DOT1L: variants seen among roughly 807,000 people sequenced by gnomAD.
DOT1L encodes the protein histone-lysine N-methyltransferase, H3 lysine-79 specific.
In DOT1L, 33 loss-of-function variants were observed where a neutral mutation model predicts 153.3. The observed-to-expected ratio is 0.22, with a 90% confidence interval of 0.16 to 0.29. DOT1L has a LOEUF of 0.29. Ranked by LOEUF, DOT1L falls within the 10% of genes least tolerant of loss-of-function variation. DOT1L has a pLI of 1.00. For synonymous variants in DOT1L, 1,135 were observed against 965.1 expected (o/e 1.18, Z -3.26); for missense variants, 1,847 against 2,119.9 (o/e 0.87, Z 2.53).
Position 2,229,982 on chromosome 19 carries a change from T to C in DOT1L, c.*190T>C, listed in dbSNP as rs2024528537. On this transcript the variant is annotated 3_prime_UTR_variant, in exon 28 of 28. Transcript: ENST00000398665. ...CTGGTCCAGTTTGTACTGTCGATAG[T>C]TTTAGATAAAGTATTTATCATTTTT... 1 of 805,884 alleles carries C rather than the reference T, an allele frequency of 1.2e-6. No individual in the cohort carries two copies. Among genetic ancestry groups the C allele is most frequent in the Non-Finnish European group, 1.9e-6 (1 of 516,266 alleles). 49.9% of individuals were successfully genotyped at this position (805,884 alleles called of 1,614,324 possible). A position where few individuals can be genotyped will look rare whatever the true frequency, so the allele number is the denominator to read the frequency against.
In DOT1L at chr19:2,220,858, C is replaced by T. The variant is rs557358889; in HGVS notation, c.2806+636C>T. 1.3e-4 allele frequency: 36 copies of T among 287,538 alleles called. No individual in the cohort carries two copies. Among genetic ancestry groups the T allele is most frequent in the African/African-American group, 7.7e-4 (35 of 45,404 alleles). The allele number at this position is 287,538 out of a possible 1,614,324, so 17.8% of individuals were successfully genotyped here. Reference sequence around the variant, plus strand: ...CCCCAGGTTGAGATGCGGTATGATGCGGCAGCTACTTTTTTAGGAGTAAAA... The same window carrying T: ...CCCCAGGTTGAGATGCGGTATGATGTGGCAGCTACTTTTTTAGGAGTAAAA... On this transcript the variant is annotated intron_variant, in intron 23 of 27. Coordinates refer to ENST00000398665, the MANE Select transcript of DOT1L (RefSeq NM_032482.3). This position sits in a 1 kb window ranked among gnomAD's most constrained non-coding sequence, Gnocchi z 4.5.
At chr19:2,194,717 C>T (rs375789277) in intron 7 of DOT1L, 140 bp downstream of exon 7, 7 of 871,192 alleles carry the variant, frequency 8.0e-6, no homozygotes, top group Non-Finnish European at 1.2e-5. Flanking sequence ...CTCTGGTTCT[C>T]GTAGGGCTGC....
chr19:2,195,076 C>A (rs991733745), intron 7 of DOT1L, among the ~76,000 whole-genome samples: 1 of 151,978 alleles, frequency 6.6e-6, no homozygotes, highest in African/African-American at 2.4e-5. Flanking sequence ...GGGATGGCGT[C>A]GCGTGTGGCC....
chr19:2,228,802 G>A, intron 27 of DOT1L: 1 of 985,446 alleles, frequency 1.0e-6, no homozygotes, highest in South Asian at 4.7e-5. Context: ...CAGGCGCCCA[G>A]CATGTAGCAG....
chr19:2,164,067 AG>A lies in DOT1L; in HGVS notation c.-116del. The A allele has an allele frequency of 2.1e-6, 1 of 480,420 alleles. No homozygotes were observed. The highest frequency in any genetic ancestry group is 2.8e-6 in the Non-Finnish European group (1 of 362,544). The allele number at this position is 480,420 out of a possible 1,614,324, so 29.8% of individuals were successfully genotyped here. ...GGCGGCGGCGGCCGAGGCCGAGGCC[AG>A]GCCCCCTCCCCTCAGCCTCCCGCCC... On this transcript the variant is annotated 5_prime_UTR_variant, in exon 1 of 28. Coordinates refer to ENST00000398665, the MANE Select transcript of DOT1L (RefSeq NM_032482.3).
intron 25 of DOT1L, among the ~76,000 whole-genome samples, chr19:2,223,704 G>A (rs902718043): frequency 1.3e-5 from 2 of 152,314 alleles, no homozygotes; most frequent in Admixed American, 1.3e-4. Flanking sequence ...GGTGGGACAC[G>A]AGCAGGGCCA....
In DOT1L at chr19:2,226,655, G is replaced by A. The variant is rs1426976999; in HGVS notation, c.4134G>A (p.Gly1378=). 2 of 1,582,816 alleles carry A rather than the reference G, an allele frequency of 1.3e-6. No homozygotes were observed. The highest frequency in any genetic ancestry group is 1.3e-5 in the African/African-American group (1 of 74,602). ...AGAGGCAGCTGGACGGCCTGGCTGG[G>A]CTGAAGGGCGAGGGCAGCCGCGGCA... is the stretch of plus-strand genomic sequence containing the variant. ...LSKRQLDGLA[G]LKGEGSRGKE... Residue 1378 remains glycine (G), a synonymous_variant, in exon 27 of 28, where the codon GGG becomes GGA. Coordinates refer to ENST00000398665, the MANE Select transcript of DOT1L (RefSeq NM_032482.3).
chr19:2,217,123 G>A lies in DOT1L; in HGVS notation c.2544+33G>A. 1 of 1,554,052 alleles carries A rather than the reference G, an allele frequency of 6.4e-7. No individual in the cohort carries two copies. The highest frequency in any genetic ancestry group is 2.3e-5 in the East Asian group (1 of 43,980). On this transcript the variant is annotated intron_variant, in intron 21 of 27. Coordinates refer to ENST00000398665, the MANE Select transcript of DOT1L (RefSeq NM_032482.3). The surrounding 1 kb of genome is among the most constrained non-coding windows in gnomAD (Gnocchi z 7.3). ...CCGCGACCCCTGCCCCGGGCTCAGG[G>A]AGGTGCTCAGCAGAGGCGGCCTGAG... is the stretch of plus-strand genomic sequence containing the variant.
At chr19:2,228,131 T>G (rs2024442869) in intron 27 of DOT1L, 1 of 1,364,038 alleles carries the variant, frequency 7.3e-7, no homozygotes, top group African/African-American at 1.5e-5. Context: ...CTCTGCCGCC[T>G]GCTAACGCCT....
intron 27 of DOT1L, chr19:2,227,598 G>C (rs1297148855): frequency 2.6e-5 from 26 of 1,001,144 alleles, no homozygotes; most frequent in South Asian, 1.1e-4. Flanking sequence ...GAGCCTGGCC[G>C]AGCCGCTGCT....
At chr19:2,198,183 C>T (rs2023098648) in intron 7 of DOT1L, among the ~76,000 whole-genome samples, 1 of 152,218 alleles carries the variant, frequency 6.6e-6, no homozygotes, top group African/African-American at 2.4e-5. Flanking sequence ...GATGCGAGCC[C>T]GGATCTGCTT....
intron 25 of DOT1L, among the ~76,000 whole-genome samples, chr19:2,224,024 C>T (rs1292391860): frequency 2.0e-5 from 3 of 152,276 alleles, no homozygotes; most frequent in African/African-American, 4.8e-5. Context: ...TACTTTCTGT[C>T]TCTGAATCTG....
At chr19:2,227,475 C>T (rs776464030) in intron 27 of DOT1L, 11 of 551,602 alleles carry the variant, frequency 2.0e-5, no homozygotes, top group Middle Eastern at 5.7e-4. Flanking sequence ...TGGGTAAGAG[C>T]GAGTCCCCGC....
Position 2,216,436 on chromosome 19 carries a change from G to C in DOT1L, c.2079G>C (p.Glu693Asp). 4 of 1,612,636 alleles carry C rather than the reference G, an allele frequency of 2.5e-6. No individual in the cohort carries two copies. Among genetic ancestry groups the C allele is most frequent in the Non-Finnish European group, 3.4e-6 (4 of 1,179,928 alleles). Residue 693 changes from glutamate (E) to aspartate (D), a missense_variant, in exon 20 of 28, where the codon GAG (glutamate) becomes GAC (aspartate). By Grantham distance (45) the Glu-to-Asp change is conservative. Around this residue, in one of 8 missense-constraint regions of DOT1L, gnomAD observed 281 missense variants for 263.6 expected, o/e 1.07. Coordinates refer to ENST00000398665, the MANE Select transcript of DOT1L (RefSeq NM_032482.3). ...CTGACGCCAGCCGGCTGCACCTGGAGCTGGACTGCACCAAGTTCTCGCTGC... is the reference window on the plus strand; with the variant it reads ...CTGACGCCAGCCGGCTGCACCTGGACCTGGACTGCACCAAGTTCTCGCTGC... The part of the protein sequence containing the change: ...LEPDASRLHL[E>D]LDCTKFSLPH...
rs758708293 is a variant in DOT1L at position 2,217,141 on chromosome 19, G to A, written c.2544+51G>A. On this transcript the variant is annotated intron_variant, in intron 21 of 27. Transcript: ENST00000398665. This position sits in a 1 kb window ranked among gnomAD's most constrained non-coding sequence, Gnocchi z 7.3. ...GCTCAGGGAGGTGCTCAGCAGAGGC[G>A]GCCTGAGCGAGTTGCTAGCAGGAGG... 8 of 1,515,572 alleles carry A rather than the reference G, an allele frequency of 5.3e-6. No individual in the cohort carries two copies. The highest frequency in any genetic ancestry group is 6.2e-6 in the Non-Finnish European group (7 of 1,133,862). 93.9% of individuals were successfully genotyped at this position (1,515,572 alleles called of 1,614,324 possible).
rs188082149 is a variant in DOT1L at position 2,231,014 on chromosome 19, C to A, written c.*1222C>A. ...AGGCCCCAGGGTGACGTCGGCCCCC[C>A]ACTCTGCAGCCTTGGCGGGTGCCTG... On this transcript the variant is annotated 3_prime_UTR_variant, in exon 28 of 28. Coordinates refer to ENST00000398665, the MANE Select transcript of DOT1L (RefSeq NM_032482.3). The A allele has an allele frequency of 8.9e-4, 213 of 238,892 alleles. 3 individuals carry two copies. Among genetic ancestry groups the A allele is most frequent in the Admixed American group, 7.4e-3 (133 of 17,928 alleles). The allele number at this position is 238,892 out of a possible 1,614,324, so 14.8% of individuals were successfully genotyped here.
chr19:2,173,370 A>C (rs1294629311), intron 1 of DOT1L, among the ~76,000 whole-genome samples: 1 of 152,114 alleles, frequency 6.6e-6, no homozygotes. Context: ...TGCTGCTGGA[A>C]AAAGAGGGTC....
Position 2,191,313 on chromosome 19 carries a change from T to C in DOT1L, c.493+73T>C, listed in dbSNP as rs2022783590. 6.7e-7 allele frequency: 1 copy of C among 1,482,432 alleles called. No individual in the cohort carries two copies. Among genetic ancestry groups the C allele is most frequent in the South Asian group, 1.1e-5 (1 of 87,800 alleles). 91.8% of individuals were successfully genotyped at this position (1,482,432 alleles called of 1,614,324 possible). A position where few individuals can be genotyped will look rare whatever the true frequency, so the allele number is the denominator to read the frequency against. ...CGCTCTGTGCCTGCCCCATGCCTGC[T>C]TGGAGAAGAGTTTATCAGGGACTTG... On this transcript the variant is annotated intron_variant, in intron 5 of 27. Transcript: ENST00000398665. This position sits in a 1 kb window ranked among gnomAD's most constrained non-coding sequence, Gnocchi z 6.8.
At chr19:2,180,442 G>A (rs2022178035) in intron 1 of DOT1L, among the ~76,000 whole-genome samples, 2 of 152,286 alleles carry the variant, frequency 1.3e-5, no homozygotes, top group East Asian at 1.9e-4. Flanking sequence ...CAGGACCGGG[G>A]GCCATAGACT....
Sources: gnomAD v4.1 joint callset for allele counts (sites outside exome capture counted in the v4.1 genomes callset) on GRCh38, gnomAD v4.1.1 for gene constraint, gnomAD v4.1.1 regional missense constraint, Gnocchi (gnomAD v3.1) non-coding constraint, MANE v1.5 for transcripts, NCBI Gene and HGNC (gene_info 2026-07-23, HGNC 2026-07-21) for gene names.